VKORC1L1: variants seen among roughly 807,000 people sequenced by gnomAD.
VKORC1L1 encodes vitamin K epoxide reductase complex subunit 1L1.
VKORC1L1 carries 2 observed loss-of-function variants against 18.9 expected under a neutral mutation model. The ratio of observed to expected loss-of-function variants is 0.11; its 90% CI spans 0.04 to 0.33. VKORC1L1 has a LOEUF of 0.33. Among genes scored for constraint, VKORC1L1 ranks in the 10% least tolerant of loss-of-function variants. The pLI is 1.00. For synonymous variants in VKORC1L1, 96 were observed against 100.0 expected (o/e 0.96, Z 0.24); for missense variants, 123 against 224.1 (o/e 0.55, Z 2.88).
At chr7:65,928,465 C>T (rs1339016676) in intron 1 of VKORC1L1, among the ~76,000 whole-genome samples, 1 of 152,060 alleles carries the variant, frequency 6.6e-6, no homozygotes, top group Non-Finnish European at 1.5e-5. Flanking sequence ...CATAGTTTTA[C>T]CTTTTCCAGA....
chr7:65,874,579 G>T (rs1291567056), intron 1 of VKORC1L1, among the ~76,000 whole-genome samples: 1 of 151,938 alleles, frequency 6.6e-6, no homozygotes, highest in South Asian at 2.1e-4. Context: ...AGGCCGAGGC[G>T]GGTGGATCAT....
the VKORC1L1 span, among the ~76,000 whole-genome samples, chr7:65,867,223 G>GAGAAGAAGA: frequency 6.6e-6 from 1 of 151,492 alleles, no homozygotes; most frequent in Non-Finnish European, 1.5e-5. Context: ...GAAGGAGTAG[G>GAGAAGAAGA]AGAAGAAGAA....
Position 65,873,263 on chromosome 7 carries a change from C to CGGCGGCGGCGGA in VKORC1L1, c.-100_-89dup. The CGGCGGCGGCGGA allele has an allele frequency of 2.1e-6, 2 of 947,462 alleles. No individual in the cohort carries two copies. The highest frequency in any genetic ancestry group is 4.7e-5 in the South Asian group (1 of 21,296). 58.7% of individuals were successfully genotyped at this position (947,462 alleles called of 1,614,324 possible). The stretch of plus-strand genomic sequence containing the variant: ...GCGGCGGCGGCGGCGGCGGTGGTGG[C>CGGCGGCGGCGGA]GGCGGCGGCGGAGGCGGCGGTGGCG... On this transcript the variant is annotated 5_prime_UTR_variant, in exon 1 of 3. Transcript: ENST00000360768.
rs544663161 is a variant in VKORC1L1 at position 65,957,900 on chromosome 7, T to C, written c.*3600T>C. On this transcript the variant is annotated 3_prime_UTR_variant, in exon 3 of 3. Coordinates refer to ENST00000360768, the MANE Select transcript of VKORC1L1 (RefSeq NM_173517.6). Reference sequence around the variant, plus strand: ...TCATTTAGTTTTGGAAAAGACTATTTGCAAAAGTACAGAGTTATCTTCAGC... The same window carrying C: ...TCATTTAGTTTTGGAAAAGACTATTCGCAAAAGTACAGAGTTATCTTCAGC... The C allele has an allele frequency of 6.6e-6, 1 of 151,970 alleles. No homozygotes were observed. The highest frequency in any genetic ancestry group is 1.5e-5 in the Non-Finnish European group (1 of 67,894). 9.4% of individuals were successfully genotyped at this position (151,970 alleles called of 1,614,324 possible).
chr7:65,912,704 A>T (rs1789520460), intron 1 of VKORC1L1, among the ~76,000 whole-genome samples: 1 of 152,186 alleles, frequency 6.6e-6, no homozygotes, highest in South Asian at 2.1e-4. Context: ...TCACATTGTG[A>T]TGAGGAAATA....
intron 1 of VKORC1L1, among the ~76,000 whole-genome samples, chr7:65,885,260 A>C (rs944957561): frequency 2.8e-4 from 42 of 151,228 alleles, no homozygotes; most frequent in South Asian, 2.1e-4. Context: ...TTTTCTTCTT[A>C]TTGCTTTATA....
Position 65,956,211 on chromosome 7 carries a change from T to G in VKORC1L1, c.*1911T>G, listed in dbSNP as rs1790293443. 6.6e-6 allele frequency: 1 copy of G among 152,232 alleles called. No homozygotes were observed. The highest frequency in any genetic ancestry group is 2.4e-5 in the African/African-American group (1 of 41,448). 9.4% of individuals were successfully genotyped at this position (152,232 alleles called of 1,614,324 possible). On this transcript the variant is annotated 3_prime_UTR_variant, in exon 3 of 3. Coordinates refer to ENST00000360768, the MANE Select transcript of VKORC1L1 (RefSeq NM_173517.6). ...GAAAGAAGTCCTCACGTTTGAGGGCTGTACAGTGAGGCCATCTTGTAGCAG... is the reference window on the plus strand; with the variant it reads ...GAAAGAAGTCCTCACGTTTGAGGGCGGTACAGTGAGGCCATCTTGTAGCAG...
intron 1 of VKORC1L1, among the ~76,000 whole-genome samples, chr7:65,890,290 C>A (rs1452771461): frequency 1.3e-5 from 2 of 152,040 alleles, no homozygotes; most frequent in African/African-American, 4.8e-5. Context: ...GCCACCACGC[C>A]CGGCTAATTT....
At chr7:65,867,628 G>A in the VKORC1L1 span, among the ~76,000 whole-genome samples, 1 of 152,014 alleles carries the variant, frequency 6.6e-6, no homozygotes, top group Non-Finnish European at 1.5e-5. Flanking sequence ...ACTGTTGATT[G>A]GAACATCAAA....
At chr7:65,918,450 G>A (rs1369508241) in intron 1 of VKORC1L1, among the ~76,000 whole-genome samples, 1 of 152,220 alleles carries the variant, frequency 6.6e-6, no homozygotes, top group East Asian at 1.9e-4. Context: ...GAAACTCACT[G>A]CAAGCGCTTT....
intron 1 of VKORC1L1, among the ~76,000 whole-genome samples, chr7:65,902,803 C>G (rs1419752721): frequency 9.2e-5 from 14 of 152,228 alleles, no homozygotes; most frequent in African/African-American, 3.1e-4. Flanking sequence ...TAGCAGACTT[C>G]TCATCAGAAA....
At chr7:65,914,241 G>T (rs1206719962) in intron 1 of VKORC1L1, among the ~76,000 whole-genome samples, 2 of 152,072 alleles carry the variant, frequency 1.3e-5, no homozygotes, top group African/African-American at 4.8e-5. Flanking sequence ...CTACAGGTGT[G>T]CACCATCATA....
At chr7:65,894,104 A>G (rs1459546211) in intron 1 of VKORC1L1, among the ~76,000 whole-genome samples, 8 of 151,858 alleles carry the variant, frequency 5.3e-5, no homozygotes, top group Non-Finnish European at 4.4e-5. Flanking sequence ...ACAGGCACCT[A>G]CTAGCACGCC....
rs1262076799 is a variant in VKORC1L1 at position 65,900,930 on chromosome 7, C to T, written c.194+27365C>T. On this transcript the variant is annotated intron_variant, in intron 1 of 2. Transcript: ENST00000360768. ...GAAGTCCAAGGCCAGTCACGTAGTA[C>T]TTCTGCAAAAGAGGTTATGAATGAA... is the stretch of plus-strand genomic sequence containing the variant. 2.6e-5 allele frequency among the ~76,000 whole-genome samples: 4 copies of T among 152,194 alleles called. No homozygotes were observed. In the South Asian group the frequency reaches 8.3e-4, roughly 31 times the overall value.
intron 1 of VKORC1L1, among the ~76,000 whole-genome samples, chr7:65,924,126 G>A (rs568143131): frequency 6.6e-6 from 1 of 152,282 alleles, no homozygotes; most frequent in African/African-American, 2.4e-5. Flanking sequence ...TCTAGCCGGG[G>A]TAGGCTTCCC....
chr7:65,895,396 A>G (rs755050562), intron 1 of VKORC1L1, among the ~76,000 whole-genome samples: 67 of 142,668 alleles, frequency 4.7e-4, no homozygotes, highest in Non-Finnish European at 8.0e-4. Flanking sequence ...GCTGAGGATC[A>G]CTTGAGGCCA....
chr7:65,923,425 G>A (rs1048808365), intron 1 of VKORC1L1, among the ~76,000 whole-genome samples: 2 of 151,950 alleles, frequency 1.3e-5, no homozygotes, highest in African/African-American at 4.8e-5. Context: ...AAAGATGATA[G>A]TAATTGGGGA....
chr7:65,909,732 G>GTGTT (rs1789470803), intron 1 of VKORC1L1, among the ~76,000 whole-genome samples: 1 of 150,618 alleles, frequency 6.6e-6, no homozygotes, highest in Non-Finnish European at 1.5e-5. Context: ...GTGTGTGTGT[G>GTGTT]TGTGTGACGG....
At position 65,873,442 on chromosome 7, in the gene VKORC1L1, C is replaced by G; in HGVS notation, c.71C>G (p.Ala24Gly). Residue 24 changes from alanine to glycine, a missense_variant, in exon 1 of 3, where the codon GCT (alanine) becomes GGT (glycine). By Grantham distance (60) the Ala-to-Gly change is moderately conservative (BLOSUM62 0). This residue lies in a region of VKORC1L1 where 60 missense variants were observed against 76.9 expected (regional missense o/e 0.78). Transcript: ENST00000360768. ...CGGGTGGCCCGGTATGCAGTGTGCG[C>G]TGCCGGAATCCTGCTCTCCATCTAC... ...WERVARYAVC[A>G]AGILLSIYAY... 6.3e-7 allele frequency: 1 copy of G among 1,591,210 alleles called. No individual in the cohort carries two copies. Among genetic ancestry groups the G allele is most frequent in the Non-Finnish European group, 8.5e-7 (1 of 1,170,996 alleles).
Sources: gnomAD v4.1 joint callset for allele counts (sites outside exome capture counted in the v4.1 genomes callset) on GRCh38, gnomAD v4.1.1 for gene constraint, gnomAD v4.1.1 regional missense constraint, MANE v1.5 for transcripts, NCBI Gene and HGNC (gene_info 2026-07-23, HGNC 2026-07-21) for gene names.